DMKN: variants seen among roughly 807,000 people sequenced by gnomAD.
DMKN encodes epidermis-specific secreted protein SK30/SK89.
In DMKN, 58 loss-of-function variants were observed where a neutral mutation model predicts 67.6. That is an observed-to-expected ratio of 0.86 (90% CI 0.69 to 1.07). DMKN has a LOEUF of 1.07. Ranked by LOEUF, DMKN falls within the 50% of genes least tolerant of loss-of-function variation. The pLI is 0.00. For missense variants in DMKN, 596 were observed against 601.5 expected, an observed-to-expected ratio of 0.99 and a Z score of 0.10; for synonymous variants, 240 against 232.3, an observed-to-expected ratio of 1.03 and a Z score of -0.30.
At position 35,503,184 on chromosome 19, in the gene DMKN, T is replaced by C. The variant is rs577891937; in HGVS notation, c.1135-298A>G. Reference sequence around the variant, plus strand: ...CAAGACTAGGACCTGCCTCAGAGTGTCCCCTTTCCACCTGCCGGGCCTCCT... The same window carrying C: ...CAAGACTAGGACCTGCCTCAGAGTGCCCCCTTTCCACCTGCCGGGCCTCCT... On this transcript the variant is annotated intron_variant, in intron 9 of 15. Transcript: ENST00000339686. 169 of 1,365,008 alleles carry C rather than the reference T, an allele frequency of 1.2e-4. No homozygotes were observed. In the African/African-American group the frequency reaches 2.4e-3, roughly 19 times the overall value. The allele number at this position is 1,365,008 out of a possible 1,614,324, so 84.6% of individuals were successfully genotyped here. A position where few individuals can be genotyped will look rare whatever the true frequency, so the allele number is the denominator to read the frequency against.
In DMKN at chr19:35,500,443, A is replaced by G. The variant is rs751206014; in HGVS notation, c.1287+90T>C. On this transcript the variant is annotated intron_variant, in intron 12 of 15. Coordinates refer to ENST00000339686, the MANE Select transcript of DMKN (RefSeq NM_033317.5). ...GGCTGAGAAAGCCATTGAATGGAGG[A>G]GTGAAAGAGAATTTCAGATTGCCCA... is the stretch of plus-strand genomic sequence containing the variant. 15 of 1,556,196 alleles carry G rather than the reference A, an allele frequency of 9.6e-6. No individual in the cohort carries two copies. In the East Asian group the frequency reaches 3.4e-4, roughly 35 times the overall value.
At chr19:35,501,982 G>A (rs569985634) in intron 11 of DMKN, 154 bp downstream of exon 11, 137 of 1,544,988 alleles carry the variant, frequency 8.9e-5, no homozygotes, top group Middle Eastern at 1.7e-4. Context: ...AGTGACTCAC[G>A]GCTTCTCCCT....
chr19:35,506,569 T>C (rs1183208783), intron 7 of DMKN: 7 of 474,958 alleles, frequency 1.5e-5, no homozygotes, highest in Non-Finnish European at 2.5e-5. Context: ...GGTGGTGACA[T>C]GGAAAGCTGT....
chr19:35,510,940 A>G (rs1467839412), intron 5 of DMKN, among the ~76,000 whole-genome samples: 1 of 152,032 alleles, frequency 6.6e-6, no homozygotes, highest in African/African-American at 2.4e-5. Context: ...CCTCACACCC[A>G]TCGTGCAGGG....
At chr19:35,505,875 T>C (rs1174711408) in intron 8 of DMKN, 64 bp downstream of exon 8, 18 of 1,613,892 alleles carry the variant, frequency 1.1e-5, no homozygotes, top group Non-Finnish European at 1.3e-5. Context: ...CCCCAGACTG[T>C]GGGGCCAAGG....
intron 7 of DMKN, chr19:35,506,553 T>G: frequency 2.1e-6 from 1 of 482,684 alleles, no homozygotes; most frequent in South Asian, 1.5e-5. Context: ...CACAACACCT[T>G]GGTCTGGTGG....
intron 7 of DMKN, chr19:35,509,626 A>T (rs558138508): frequency 3.8e-5 from 15 of 390,920 alleles, no homozygotes; most frequent in Admixed American, 1.3e-4. Context: ...GGCTGGATAG[A>T]GGACATTTAA....
intron 11 of DMKN, chr19:35,501,775 T>G: frequency 3.3e-6 from 5 of 1,505,760 alleles, no homozygotes; most frequent in South Asian, 1.3e-5. Context: ...AGGCCCCTTC[T>G]TCCCCTCAAT....
At chr19:35,500,810 G>A (rs912052408) in intron 11 of DMKN, among the ~76,000 whole-genome samples, 2 of 152,204 alleles carry the variant, frequency 1.3e-5, no homozygotes, top group Non-Finnish European at 2.9e-5. Context: ...CACCCATGCC[G>A]TGGGAGAGTT....
At chr19:35,508,899 A>G (rs572452330) in intron 7 of DMKN, among the ~76,000 whole-genome samples, 1 of 152,286 alleles carries the variant, frequency 6.6e-6, no homozygotes, top group South Asian at 2.1e-4. Context: ...GACTACTTAT[A>G]TACTTAAAAC....
chr19:35,511,092 A>G (rs77319498), intron 5 of DMKN, among the ~76,000 whole-genome samples: 15,913 of 152,108 alleles, frequency 0.1, 973 homozygotes, highest in East Asian at 0.21. Context: ...CCGCCACCCC[A>G]CGGTCTCCTG....
intron 7 of DMKN, chr19:35,507,826 G>A: frequency 2.3e-6 from 1 of 437,864 alleles, no homozygotes; most frequent in Non-Finnish European, 4.1e-6. Context: ...TGCCAGCAAA[G>A]CATCCGAATT....
rs777305496 is a variant in DMKN at position 35,506,204 on chromosome 19, G to A, written c.1039-218C>T. ...CTTGCCCCTGGGTGGGGAAAAGGGG[G>A]ACCGATGTCCAAGGCTTATGCTTCC... On this transcript the variant is annotated intron_variant, in intron 7 of 15. Transcript: ENST00000339686. The A allele has an allele frequency of 1.5e-5, 23 of 1,493,362 alleles. No homozygotes were observed. The African/African-American group carries it at 2.9e-4, about 19-fold the overall frequency. 92.5% of individuals were successfully genotyped at this position (1,493,362 alleles called of 1,614,324 possible). A position where few individuals can be genotyped will look rare whatever the true frequency, so the allele number is the denominator to read the frequency against.
chr19:35,504,192 G>T (rs1011784845), intron 9 of DMKN, among the ~76,000 whole-genome samples: 21 of 152,154 alleles, frequency 1.4e-4, no homozygotes, highest in African/African-American at 5.1e-4. Flanking sequence ...GGCTCTCTGG[G>T]AAGTGTCTGT....
In DMKN at chr19:35,511,930, T is replaced by C. The variant is rs912257334; in HGVS notation, c.685-117A>G. The C allele has an allele frequency of 8.4e-6, 10 of 1,196,858 alleles. No individual in the cohort carries two copies. The African/African-American group carries it at 1.1e-4, about 13-fold the overall frequency. 74.1% of individuals were successfully genotyped at this position (1,196,858 alleles called of 1,614,324 possible). A position where few individuals can be genotyped will look rare whatever the true frequency, so the allele number is the denominator to read the frequency against. On this transcript the variant is annotated intron_variant, in intron 3 of 15. Coordinates refer to ENST00000339686, the MANE Select transcript of DMKN (RefSeq NM_033317.5). ...TGGGGCTTGGCTTCCTTTCTCCTAATGTGTTTCTCCCACCTCCCCTTCCCA... is the reference window on the plus strand; with the variant it reads ...TGGGGCTTGGCTTCCTTTCTCCTAACGTGTTTCTCCCACCTCCCCTTCCCA...
At chr19:35,507,936 G>T (rs754231209) in intron 7 of DMKN, 21 of 477,566 alleles carry the variant, frequency 4.4e-5, no homozygotes, top group Non-Finnish European at 7.4e-5. Context: ...AAAAAAAGGA[G>T]ATGCTAGCTG....
At chr19:35,506,996 C>T (rs1357602634) in intron 7 of DMKN, 2 of 175,068 alleles carry the variant, frequency 1.1e-5, no homozygotes, top group Non-Finnish European at 2.5e-5. Context: ...AAAGTAGAGA[C>T]AGGGTCTTCC....
At chr19:35,502,722 GA>G in intron 10 of DMKN, 107 bp downstream of exon 10, 1 of 1,106,378 alleles carries the variant, frequency 9.0e-7, no homozygotes. Context: ...AAAAGGGGGG[GA>G]GTTTTGAAAC....
intron 7 of DMKN, chr19:35,509,603 C>T: frequency 3.1e-6 from 1 of 320,402 alleles, no homozygotes; most frequent in South Asian, 6.2e-5. Context: ...GAGTTCACCA[C>T]AGTCTGTTCC....
Sources: gnomAD v4.1 joint callset for allele counts (sites outside exome capture counted in the v4.1 genomes callset) on GRCh38, gnomAD v4.1.1 for gene constraint, MANE v1.5 for transcripts, NCBI Gene and HGNC (gene_info 2026-07-23, HGNC 2026-07-21) for gene names.